The following GBE1 variants were observed in gnomAD, a reference collection of about 807,000 sequenced individuals.
GBE1 encodes the protein 1,4-alpha-glucan-branching enzyme.
A neutral mutation model predicts 88.8 loss-of-function variants in GBE1; 70 were observed. The observed-to-expected ratio is 0.79, with a 90% CI of 0.65 to 0.96. The LOEUF is 0.96. GBE1 is among the 40% of genes least tolerant of loss of function. GBE1 has a pLI of 0.00. For missense variants in GBE1, 872 were observed against 871.0 expected (o/e 1.00, Z -0.01); for synonymous variants, 284 against 300.1 (o/e 0.95, Z 0.56).
intron 3 of GBE1, among the ~76,000 whole-genome samples, chr3:81,668,247 C>T (rs112300918): frequency 0.017 from 2,659 of 151,946 alleles, 35 homozygotes; most frequent in South Asian, 0.036. Context: ...ACTCAGAGAA[C>T]GGGTCAGTAG....
At chr3:81,756,492 C>T (rs1044640302) in intron 1 of GBE1, among the ~76,000 whole-genome samples, 2 of 152,090 alleles carry the variant, frequency 1.3e-5, no homozygotes, top group African/African-American at 4.8e-5. Flanking sequence ...CTGAGGAATA[C>T]AACAGTGAAT....
At chr3:81,756,338 G>C (rs1706600659) in intron 1 of GBE1, among the ~76,000 whole-genome samples, 1 of 152,144 alleles carries the variant, frequency 6.6e-6, no homozygotes, top group Non-Finnish European at 1.5e-5. Flanking sequence ...TAGTAATCCA[G>C]ACATTTTTAG....
At chr3:81,564,835 A>G (rs1374130932) in intron 12 of GBE1, among the ~76,000 whole-genome samples, 1 of 152,108 alleles carries the variant, frequency 6.6e-6, no homozygotes, top group Non-Finnish European at 1.5e-5. Flanking sequence ...TCATTTTTGC[A>G]TGTTCTTCCA....
intron 12 of GBE1, among the ~76,000 whole-genome samples, chr3:81,563,833 G>T (rs1703453236): frequency 1.3e-5 from 1 of 77,208 alleles, no homozygotes; most frequent in Admixed American, 1.1e-4. Flanking sequence ...GAGAGGTTTA[G>T]ATATATAAGT....
chr3:81,650,752 C>A (rs1029005216), intron 3 of GBE1, among the ~76,000 whole-genome samples: 1 of 152,186 alleles, frequency 6.6e-6, no homozygotes, highest in Non-Finnish European at 1.5e-5. Flanking sequence ...GCAGCCTCAA[C>A]CTCACAGGCT....
chr3:81,639,981 A>C (rs576780718), intron 7 of GBE1, among the ~76,000 whole-genome samples: 102 of 152,352 alleles, frequency 6.7e-4, no homozygotes, highest in African/African-American at 2.2e-3. Context: ...ATTGCTGTTA[A>C]GTCACTAAAT....
intron 7 of GBE1, among the ~76,000 whole-genome samples, chr3:81,622,945 T>C (rs563112970): frequency 9.8e-5 from 15 of 152,318 alleles, no homozygotes; most frequent in South Asian, 6.2e-4. Context: ...CACTGGACTA[T>C]TGCAATACAA....
chr3:81,607,166 C>CA (rs147672889), intron 7 of GBE1, among the ~76,000 whole-genome samples: 1 of 152,068 alleles, frequency 6.6e-6, no homozygotes. Flanking sequence ...TTATTTTATT[C>CA]AAAAAAGTTT....
At chr3:81,517,149 CA>C (rs1702808274) in intron 14 of GBE1, among the ~76,000 whole-genome samples, 1 of 151,434 alleles carries the variant, frequency 6.6e-6, no homozygotes, top group Non-Finnish European at 1.5e-5. Context: ...AAGGAAGAGT[CA>C]ATCCATGTAA....
At position 81,574,248 on chromosome 3, in the gene GBE1, GCATTCAGGTAC is replaced by G. The variant is rs544591344; in HGVS notation, c.1618+3666_1618+3676del. Among the ~76,000 whole-genome samples the G allele has an allele frequency of 2.8e-3, 420 of 152,222 alleles. 1 individual carries two copies. Among genetic ancestry groups the G allele is most frequent in the South Asian group, 5.6e-3 (27 of 4,822 alleles). ...ACAATTAAATGGAATTAGGACATCA[GCATTCAGGTAC>G]CATATAGTTAATGGAGTAACTGATA... is the stretch of plus-strand genomic sequence containing the variant. On this transcript the variant is annotated intron_variant, in intron 12 of 15. Transcript: ENST00000429644.
intron 12 of GBE1, among the ~76,000 whole-genome samples, chr3:81,566,371 C>A (rs1441728012): frequency 6.6e-6 from 1 of 152,164 alleles, no homozygotes; most frequent in Non-Finnish European, 1.5e-5. Flanking sequence ...AATGTACAGA[C>A]CATTTTGAGA....
At chr3:81,652,939 G>C (rs1461957033) in intron 3 of GBE1, among the ~76,000 whole-genome samples, 1 of 152,108 alleles carries the variant, frequency 6.6e-6, no homozygotes, top group African/African-American at 2.4e-5. Context: ...AAAATTTTTA[G>C]AGAAAACTTT....
chr3:81,670,727 T>C, intron 3 of GBE1, 111 bp downstream of exon 3: 2 of 617,838 alleles, frequency 3.2e-6, no homozygotes, highest in South Asian at 2.3e-5. Context: ...AGACTGTTTC[T>C]CCCACAATTA....
chr3:81,669,503 A>C (rs2107112341), intron 3 of GBE1, among the ~76,000 whole-genome samples: 1 of 152,248 alleles, frequency 6.6e-6, no homozygotes, highest in Non-Finnish European at 1.5e-5. Context: ...TCGAAGAATC[A>C]AATTATTTGA....
intron 2 of GBE1, among the ~76,000 whole-genome samples, chr3:81,691,024 T>C (rs181576605): frequency 6.6e-6 from 1 of 152,026 alleles, no homozygotes; most frequent in East Asian, 1.9e-4. Context: ...TGGAGCACTG[T>C]ACACAGGAAG....
intron 10 of GBE1, among the ~76,000 whole-genome samples, 199 bp downstream of exon 10, chr3:81,585,893 G>T (rs541137943): frequency 2.0e-5 from 3 of 152,122 alleles, no homozygotes; most frequent in African/African-American, 7.2e-5. Context: ...GCCTGAATAC[G>T]TATGAATACT....
intron 3 of GBE1, among the ~76,000 whole-genome samples, chr3:81,652,921 C>T (rs1704871397): frequency 6.6e-6 from 1 of 152,072 alleles, no homozygotes; most frequent in South Asian, 2.1e-4. Flanking sequence ...GTTCAAATTC[C>T]AGTCGGAAAA....
At chr3:81,551,675 T>C (rs908976392) in intron 12 of GBE1, among the ~76,000 whole-genome samples, 2 of 152,192 alleles carry the variant, frequency 1.3e-5, no homozygotes, top group African/African-American at 4.8e-5. Context: ...CTATGACTGA[T>C]GTCTCATGTC....
chr3:81,649,874 C>CG lies in GBE1; in HGVS notation c.476dup (p.Trp160ValfsTer8). The stretch of plus-strand genomic sequence containing the variant: ...CTTCACGAACCACATACTTTGCCCA[C>CG]GGTGAAATACGATACAAGATCTCTC... On this transcript the variant is annotated frameshift_variant, in exon 4 of 16. Transcript: ENST00000429644. LOFTEE classifies it high-confidence loss of function. The CG allele has an allele frequency of 6.2e-7, 1 of 1,609,772 alleles. No homozygotes were observed. The highest frequency in any genetic ancestry group is 8.5e-7 in the Non-Finnish European group (1 of 1,176,670).
Sources: gnomAD v4.1 joint callset for allele counts (sites outside exome capture counted in the v4.1 genomes callset) on GRCh38, gnomAD v4.1.1 for gene constraint, MANE v1.5 for transcripts, NCBI Gene and HGNC (gene_info 2026-07-23, HGNC 2026-07-21) for gene names.